Variants in TRPM7 observed in about 807,000 individuals in gnomAD.
The protein encoded by TRPM7 is LTRPC ion channel family member 7.
Under a neutral mutation model 229.7 loss-of-function variants are expected in TRPM7, and 134 were observed. That is an observed-to-expected ratio of 0.58 (90% CI 0.51 to 0.67). The LOEUF is 0.67. Among genes scored for constraint, TRPM7 ranks in the 30% least tolerant of loss-of-function variants. The pLI is 0.00. For synonymous variants in TRPM7, 699 were observed against 715.2 expected (o/e 0.98, Z 0.36); for missense variants, 1,901 against 2,210.0 (o/e 0.86, Z 2.80).
At chr15:50,623,641 A>G (rs1256947374) in intron 12 of TRPM7, among the ~76,000 whole-genome samples, 1 of 152,100 alleles carries the variant, frequency 6.6e-6, no homozygotes, top group Non-Finnish European at 1.5e-5. Flanking sequence ...GAAGGGTAGT[A>G]TATCTTCAAT....
At chr15:50,590,448 T>C (rs17645523) in intron 26 of TRPM7, among the ~76,000 whole-genome samples, 57,663 of 151,994 alleles carry the variant, frequency 0.38, 11,550 homozygotes, top group Admixed American at 0.49. Flanking sequence ...AACATGTTAA[T>C]AAGCCCATGT....
chr15:50,662,923 C>T (rs1272549661), intron 2 of TRPM7, 44 bp downstream of exon 2: 2 of 1,383,930 alleles, frequency 1.4e-6, no homozygotes, highest in Non-Finnish European at 2.0e-6. Context: ...ATAATTTACA[C>T]TAAAATTTCT....
intron 1 of TRPM7, among the ~76,000 whole-genome samples, chr15:50,684,515 C>A (rs953211754): frequency 3.9e-5 from 6 of 152,058 alleles, no homozygotes; most frequent in Non-Finnish European, 7.4e-5. Context: ...GTGGCTCGCA[C>A]CTGGAGTCCC....
chr15:50,658,007 T>A (rs1413183678), intron 2 of TRPM7, among the ~76,000 whole-genome samples, 188 bp from the exon 3 acceptor site: 6 of 147,236 alleles, frequency 4.1e-5, no homozygotes, highest in African/African-American at 4.9e-5. Flanking sequence ...CAGTCTCAAT[T>A]TTTTTTTTTT....
chr15:50,624,089 G>T, intron 12 of TRPM7, 77 bp downstream of exon 12: 1 of 1,402,526 alleles, frequency 7.1e-7, no homozygotes, highest in East Asian at 2.3e-5. Flanking sequence ...TTATCAATAG[G>T]AATGGCTATA....
chr15:50,639,675 T>TCC (rs1359059684), intron 5 of TRPM7, 127 bp from the exon 6 acceptor site: 18 of 704,686 alleles, frequency 2.6e-5, no homozygotes, highest in Non-Finnish European at 1.3e-5. Flanking sequence ...CAAGCGATCC[T>TCC]CCCTTGTGAG....
intron 12 of TRPM7, 137 bp downstream of exon 12, chr15:50,624,029 C>CT (rs1596234659): frequency 7.9e-6 from 7 of 882,400 alleles, no homozygotes; most frequent in Non-Finnish European, 9.9e-6. Context: ...CCAATCCATA[C>CT]TAAGACTGGC....
intron 2 of TRPM7, among the ~76,000 whole-genome samples, chr15:50,660,386 T>C (rs2061692905): frequency 6.6e-6 from 1 of 152,096 alleles, no homozygotes; most frequent in Non-Finnish European, 1.5e-5. Context: ...TAAATAAATG[T>C]ATACCAGGCA....
intron 13 of TRPM7, among the ~76,000 whole-genome samples, chr15:50,615,796 T>C (rs558554687): frequency 7.2e-4 from 110 of 152,258 alleles, no homozygotes; most frequent in African/African-American, 2.6e-3. Flanking sequence ...CTCAGAAGGC[T>C]GAGGCAGAAG....
intron 36 of TRPM7, among the ~76,000 whole-genome samples, chr15:50,572,989 C>CT (rs2053961640): frequency 6.6e-6 from 1 of 152,162 alleles, no homozygotes; most frequent in East Asian, 1.9e-4. Context: ...ATTTAACTTC[C>CT]TTTGACTCAC....
At chr15:50,639,659 T>G in intron 5 of TRPM7, 111 bp from the exon 6 acceptor site, 1 of 917,156 alleles carries the variant, frequency 1.1e-6, no homozygotes, top group Non-Finnish European at 1.6e-6. Flanking sequence ...CTCAAACTCC[T>G]GGACTCAAGC....
chr15:50,595,639 T>C (rs1196048373), intron 23 of TRPM7, among the ~76,000 whole-genome samples: 2 of 152,000 alleles, frequency 1.3e-5, no homozygotes, highest in African/African-American at 4.8e-5. Flanking sequence ...AGTGGATGGA[T>C]CACATGAGGC....
chr15:50,679,604 G>A (rs1481329973), intron 1 of TRPM7, among the ~76,000 whole-genome samples: 1 of 141,184 alleles, frequency 7.1e-6, no homozygotes, highest in Non-Finnish European at 1.5e-5. Context: ...GGCGCAATCT[G>A]GAGTCACTGC....
chr15:50,636,683 A>G (rs1300001770), intron 7 of TRPM7, among the ~76,000 whole-genome samples: 2 of 152,214 alleles, frequency 1.3e-5, no homozygotes, highest in Non-Finnish European at 2.9e-5. Flanking sequence ...AAGAAAAATC[A>G]GTCCCAGGAA....
intron 7 of TRPM7, among the ~76,000 whole-genome samples, chr15:50,637,082 T>C (rs1036166694): frequency 1.3e-5 from 2 of 149,900 alleles, no homozygotes; most frequent in African/African-American, 2.5e-5. Flanking sequence ...GCCGAGATCA[T>C]GCCACTGCAC....
At chr15:50,591,097 A>G (rs920464551) in intron 26 of TRPM7, among the ~76,000 whole-genome samples, 1 of 152,204 alleles carries the variant, frequency 6.6e-6, no homozygotes, top group Non-Finnish European at 1.5e-5. Context: ...TATCATAGGT[A>G]TAAGAATAAG....
At position 50,681,264 on chromosome 15, in the gene TRPM7, T is replaced by TACACACACAC. The variant is rs72070923; in HGVS notation, c.3+5257_3+5266dup. Among the ~76,000 whole-genome samples the TACACACACAC allele has an allele frequency of 9.4e-3, 1,384 of 147,008 alleles. 17 individuals carry two copies. The highest frequency in any genetic ancestry group is 0.022 in the South Asian group (101 of 4,628). On this transcript the variant is annotated intron_variant, in intron 1 of 38. Transcript: ENST00000646667. ...AGACTTCGTCTCAAAAATAAATAAATACACACACACACACACACACACACA... is the reference window on the plus strand; with the variant it reads ...AGACTTCGTCTCAAAAATAAATAAATACACACACACACACACACACACACACACACACACA...
At chr15:50,629,995 G>A (rs373401524) in intron 10 of TRPM7, among the ~76,000 whole-genome samples, 8 of 150,610 alleles carry the variant, frequency 5.3e-5, no homozygotes, top group African/African-American at 1.7e-4. Context: ...CAGAGTAGCC[G>A]GGACTACAGG....
At chr15:50,672,838 A>T (rs1340471375) in intron 1 of TRPM7, among the ~76,000 whole-genome samples, 1 of 145,182 alleles carries the variant, frequency 6.9e-6, no homozygotes, top group Non-Finnish European at 1.5e-5. Context: ...TGAACCAGGG[A>T]AGCAGAGGTT....
Sources: gnomAD v4.1 joint callset for allele counts (sites outside exome capture counted in the v4.1 genomes callset) on GRCh38, gnomAD v4.1.1 for gene constraint, MANE v1.5 for transcripts, NCBI Gene and HGNC (gene_info 2026-07-23, HGNC 2026-07-21) for gene names.